MYO5A: variants seen among roughly 807,000 people sequenced by gnomAD.
The protein encoded by MYO5A is unconventional myosin-Va.
In MYO5A, 98 loss-of-function variants were observed where a neutral mutation model predicts 249.7. The observed-to-expected ratio is 0.39, with a 90% CI of 0.33 to 0.46. The LOEUF (loss-of-function observed/expected upper bound fraction) is 0.46. MYO5A is among the 20% of genes least tolerant of loss of function. The pLI is 0.98. For missense variants in MYO5A, 1,696 were observed against 2,308.8 expected, an observed-to-expected ratio of 0.73 and a Z score of 5.44; for synonymous variants, 778 against 810.6, an observed-to-expected ratio of 0.96 and a Z score of 0.68.
At chr15:52,346,328 A>C in intron 30 of MYO5A, 33 bp downstream of exon 30, 1 of 1,353,832 alleles carries the variant, frequency 7.4e-7, no homozygotes. Context: ...CAATATAATT[A>C]AACCAAAATG....
chr15:52,528,972 G>A (rs1333225057), upstream of MYO5A: 2 of 373,536 alleles, frequency 5.4e-6, no homozygotes, highest in Non-Finnish European at 3.8e-6. Context: ...GGCGCCTCAG[G>A]CGCTGGCCGC....
chr15:52,449,567 C>G (rs984522750), intron 1 of MYO5A, among the ~76,000 whole-genome samples: 2 of 152,216 alleles, frequency 1.3e-5, no homozygotes, highest in African/African-American at 4.8e-5. Context: ...ACACTCTGGC[C>G]TGGCATGGTT....
chr15:52,451,677 G>A (rs1295598869), intron 1 of MYO5A, among the ~76,000 whole-genome samples: 2 of 152,078 alleles, frequency 1.3e-5, no homozygotes, highest in African/African-American at 2.4e-5. Context: ...AACAATCCAT[G>A]CTAGATCAAG....
intron 1 of MYO5A, among the ~76,000 whole-genome samples, chr15:52,475,488 A>G (rs981427199): frequency 3.3e-5 from 5 of 152,094 alleles, no homozygotes; most frequent in African/African-American, 2.4e-5. Flanking sequence ...TTAGGGTGTC[A>G]ATTTTAGATC....
At chr15:52,340,851 G>A (rs572131754) in intron 31 of MYO5A, among the ~76,000 whole-genome samples, 1 of 152,014 alleles carries the variant, frequency 6.6e-6, no homozygotes, top group African/African-American at 2.4e-5. Flanking sequence ...AGGAGGCTGA[G>A]GCAGGAGAAC....
intron 24 of MYO5A, among the ~76,000 whole-genome samples, chr15:52,362,125 A>T (rs112124401): frequency 2.2e-4 from 33 of 152,306 alleles, no homozygotes; most frequent in African/African-American, 7.5e-4. Context: ...AAAATGCTAC[A>T]GTACTTCTTG....
intron 39 of MYO5A, among the ~76,000 whole-genome samples, chr15:52,318,558 A>G (rs2038139473): frequency 1.3e-5 from 2 of 152,110 alleles, no homozygotes; most frequent in African/African-American, 4.8e-5. Flanking sequence ...CTTTTCTTAA[A>G]ATATAGAGGG....
intron 31 of MYO5A, among the ~76,000 whole-genome samples, chr15:52,342,782 G>T (rs558501728): frequency 2.0e-5 from 3 of 151,998 alleles, no homozygotes; most frequent in African/African-American, 7.2e-5. Flanking sequence ...CAGGCATGTT[G>T]GTGCACGCCT....
intron 38 of MYO5A, among the ~76,000 whole-genome samples, chr15:52,320,075 G>C (rs1596276970): frequency 6.6e-6 from 1 of 152,266 alleles, no homozygotes; most frequent in Middle Eastern, 3.4e-3. Context: ...GAGGGGAGTG[G>C]TATGGGTCTG....
chr15:52,472,698 GA>G, intron 1 of MYO5A, among the ~76,000 whole-genome samples: 1 of 152,034 alleles, frequency 6.6e-6, no homozygotes, highest in Non-Finnish European at 1.5e-5. Flanking sequence ...CAGCTTCACT[GA>G]TGACCTTACG....
Position 52,510,737 on chromosome 15 carries a change from C to A in MYO5A, c.27+18043G>T, listed in dbSNP as rs372245984. On this transcript the variant is annotated intron_variant, in intron 1 of 41. Coordinates refer to ENST00000399233, the MANE Select transcript of MYO5A (RefSeq NM_001382347.1). ...AAAACCAACCATCACCATCGCCACACCTGCTCCCCAGGTCTGTGGAAAAAC... is the reference window on the plus strand; with the variant it reads ...AAAACCAACCATCACCATCGCCACAACTGCTCCCCAGGTCTGTGGAAAAAC... Among the ~76,000 whole-genome samples the A allele has an allele frequency of 5.3e-5, 8 of 152,346 alleles. No homozygotes were observed. In the East Asian group the frequency reaches 1.3e-3, roughly 26 times the overall value.
At chr15:52,375,194 G>A in intron 20 of MYO5A, 110 bp downstream of exon 20, 1 of 1,089,184 alleles carries the variant, frequency 9.2e-7, no homozygotes, top group Non-Finnish European at 1.4e-6. Context: ...ATAGCTGGTT[G>A]TCCCCATACA....
In MYO5A at chr15:52,464,125, T is replaced by C. The variant is rs1435046583; in HGVS notation, c.28-30840A>G. Among the ~76,000 whole-genome samples the C allele has an allele frequency of 3.3e-5, 5 of 152,332 alleles. No individual in the cohort carries two copies. The East Asian group carries it at 9.6e-4, about 29-fold the overall frequency. On this transcript the variant is annotated intron_variant, in intron 1 of 41. Transcript: ENST00000399233. The stretch of plus-strand genomic sequence containing the variant: ...CTGCCTCAGAGAGTTGTGATGCAGA[T>C]AAATTAGATAAGGCTTAAAACCACT...
chr15:52,439,973 G>C (rs2075750889), intron 1 of MYO5A, among the ~76,000 whole-genome samples: 1 of 152,212 alleles, frequency 6.6e-6, no homozygotes, highest in Non-Finnish European at 1.5e-5. Flanking sequence ...GCTAAAATCT[G>C]AGAAAATAAT....
At chr15:52,424,527 G>A (rs543941940) in intron 4 of MYO5A, among the ~76,000 whole-genome samples, 1 of 152,204 alleles carries the variant, frequency 6.6e-6, no homozygotes, top group South Asian at 2.1e-4. Flanking sequence ...GCTATTAGAA[G>A]TATCCATATT....
intron 1 of MYO5A, among the ~76,000 whole-genome samples, chr15:52,472,627 G>A (rs1258028850): frequency 6.6e-6 from 1 of 152,128 alleles, no homozygotes; most frequent in Admixed American, 6.5e-5. Context: ...CCACCTATGA[G>A]TGAGAACATG....
chr15:52,494,018 GCCCCTCGCTCCAACA>G (rs998436106), intron 1 of MYO5A, among the ~76,000 whole-genome samples: 6 of 152,092 alleles, frequency 3.9e-5, no homozygotes, highest in Non-Finnish European at 8.8e-5. Flanking sequence ...TCACTGCCTG[GCCCCTCGCTCCAACA>G]CCCCACAATC....
At chr15:52,334,662 T>C (rs1482512759) in intron 34 of MYO5A, among the ~76,000 whole-genome samples, 1 of 152,220 alleles carries the variant, frequency 6.6e-6, no homozygotes, top group African/African-American at 2.4e-5. Context: ...AACTTACTCA[T>C]TCACTCAACA....
At chr15:52,336,374 A>G (rs2039117150) in intron 34 of MYO5A, 89 bp downstream of exon 34, 1 of 822,788 alleles carries the variant, frequency 1.2e-6, no homozygotes, top group Non-Finnish European at 2.0e-6. Flanking sequence ...TTGCATGCAA[A>G]CCTCTATTAG....
Sources: allele counts gnomAD v4.1 joint callset (sites outside exome capture counted in the v4.1 genomes callset), GRCh38; gene constraint gnomAD v4.1.1; transcripts MANE v1.5; gene names NCBI Gene and HGNC (gene_info 2026-07-23, HGNC 2026-07-21).